Variants in PAPPA2 observed in about 807,000 individuals in gnomAD.
The protein encoded by PAPPA2 is pappalysin 2, also known as pappalysin-2.
In PAPPA2, 86 loss-of-function variants were observed where a neutral mutation model predicts 176.4. The ratio of observed to expected loss-of-function variants is 0.49; its 90% CI spans 0.41 to 0.58. The LOEUF is 0.58. Among genes scored for constraint, PAPPA2 ranks in the 20% least tolerant of loss-of-function variants. The pLI is 0.00. For synonymous variants in PAPPA2, 809 were observed against 852.2 expected (o/e 0.95, Z 0.88); for missense variants, 2,073 against 2,256.9 (o/e 0.92, Z 1.65).
intron 1 of PAPPA2, among the ~76,000 whole-genome samples, chr1:176,472,650 A>G (rs1029197009): frequency 1.3e-5 from 2 of 152,146 alleles, no homozygotes; most frequent in African/African-American, 4.8e-5. Flanking sequence ...GAGCTACAAA[A>G]TATATATTTT....
In PAPPA2 at chr1:176,641,621, G is replaced by A. The variant is rs888398779; in HGVS notation, c.1992-29349G>A. ...TTGTAGTATAGTTTGAAGTCAGGTA[G>A]TGTGATGCCTCCAGCTTAGATTTTG... On this transcript the variant is annotated intron_variant, in intron 3 of 22. Coordinates refer to ENST00000367662, the MANE Select transcript of PAPPA2 (RefSeq NM_020318.3). Among the ~76,000 whole-genome samples the A allele has an allele frequency of 2.0e-5, 3 of 152,132 alleles. No individual in the cohort carries two copies. The East Asian group carries it at 5.8e-4, about 29-fold the overall frequency.
Position 176,709,931 on chromosome 1 carries a change from TCATGACA to T in PAPPA2, c.3458-51_3458-45del. Reference sequence around the variant, plus strand: ...GTGGACATTCCCATGTTCATTTTTTTCATGACATTTATGAAAACACTTTTTCTGTGTC... The same window carrying T: ...GTGGACATTCCCATGTTCATTTTTTTTTTATGAAAACACTTTTTCTGTGTC... On this transcript the variant is annotated intron_variant, in intron 10 of 22. Transcript: ENST00000367662. 8.7e-6 allele frequency: 13 copies of T among 1,488,668 alleles called. No homozygotes were observed. In the Admixed American group the frequency reaches 1.2e-4, roughly 13 times the overall value. 92.2% of individuals were successfully genotyped at this position (1,488,668 alleles called of 1,614,324 possible). A position where few individuals can be genotyped will look rare whatever the true frequency, so the allele number is the denominator to read the frequency against.
In PAPPA2 at chr1:176,743,286, A is replaced by G. The variant is rs527997487; in HGVS notation, c.4151+3090A>G. Among the ~76,000 whole-genome samples, 3 of 152,268 alleles carry G rather than the reference A, an allele frequency of 2.0e-5. No homozygotes were observed. In the South Asian group the frequency reaches 6.2e-4, roughly 32 times the overall value. ...CCATACTAAAAGAGGAGAGGGAAAC[A>G]GGTTATTCTTTCTTCATTCCCTGGT... is the stretch of plus-strand genomic sequence containing the variant. On this transcript the variant is annotated intron_variant, in intron 14 of 22. Coordinates refer to ENST00000367662, the MANE Select transcript of PAPPA2 (RefSeq NM_020318.3).
chr1:176,497,019 A>G (rs1486639968), intron 1 of PAPPA2, among the ~76,000 whole-genome samples: 1 of 152,084 alleles, frequency 6.6e-6, no homozygotes, highest in African/African-American at 2.4e-5. Flanking sequence ...TTGGACTTAC[A>G]TCTATTACAA....
intron 4 of PAPPA2, among the ~76,000 whole-genome samples, chr1:176,682,495 T>A (rs1194052931): frequency 6.6e-6 from 1 of 152,204 alleles, no homozygotes; most frequent in Non-Finnish European, 1.5e-5. Flanking sequence ...TTTTTAAAAA[T>A]TTTAATTATG....
intron 21 of PAPPA2, among the ~76,000 whole-genome samples, chr1:176,837,559 G>A (rs1667322563): frequency 6.9e-6 from 1 of 145,152 alleles, no homozygotes; most frequent in Admixed American, 6.9e-5. Context: ...AATTTAAAAA[G>A]TGACCCTTAC....
At chr1:176,562,753 A>G (rs1651748252) in intron 2 of PAPPA2, among the ~76,000 whole-genome samples, 1 of 152,254 alleles carries the variant, frequency 6.6e-6, no homozygotes, top group South Asian at 2.1e-4. Flanking sequence ...TGAACAGGGC[A>G]TAGCCCCTGA....
At chr1:176,723,843 A>G (rs1661736624) in intron 12 of PAPPA2, among the ~76,000 whole-genome samples, 1 of 152,192 alleles carries the variant, frequency 6.6e-6, no homozygotes, top group Non-Finnish European at 1.5e-5. Context: ...CATAATAAGC[A>G]CATTTTATAG....
At chr1:176,634,646 T>C (rs950337348) in intron 3 of PAPPA2, among the ~76,000 whole-genome samples, 3 of 151,834 alleles carry the variant, frequency 2.0e-5, no homozygotes, top group African/African-American at 7.2e-5. Context: ...ATTTTACTTT[T>C]AAATGCATTG....
intron 17 of PAPPA2, among the ~76,000 whole-genome samples, chr1:176,773,162 T>C (rs1466568520): frequency 6.6e-6 from 1 of 152,224 alleles, no homozygotes; most frequent in Non-Finnish European, 1.5e-5. Context: ...GCTTAAACGT[T>C]GACATTCACA....
At chr1:176,794,702 A>T (rs1350824573) in intron 20 of PAPPA2, among the ~76,000 whole-genome samples, 1 of 152,206 alleles carries the variant, frequency 6.6e-6, no homozygotes, top group Non-Finnish European at 1.5e-5. Flanking sequence ...TTTTATTGTG[A>T]GACTGAGAAG....
rs200968850 is a variant in PAPPA2 at position 176,660,571 on chromosome 1, TG to T, written c.1992-10394del. On this transcript the variant is annotated intron_variant, in intron 3 of 22. Coordinates refer to ENST00000367662, the MANE Select transcript of PAPPA2 (RefSeq NM_020318.3). ...TGGGCTAGGGATATAAAAACTTTTT[TG>T]GGGGTAGTCCCAGGATTTAGTGTGA... 8.7e-3 allele frequency among the ~76,000 whole-genome samples: 1,331 copies of T among 152,216 alleles called. 9 individuals carry two copies. The highest frequency in any genetic ancestry group is 0.014 in the Non-Finnish European group (947 of 68,000).
rs7518682 is a variant in PAPPA2, at chr1:176,555,973, G to A, written c.-350G>A. ...GGAGGGATTACTGAAGAAGAAGGGGGGAAAAAAAAAGAAAGAAATCTGAGC... is the reference window on the plus strand; with the variant it reads ...GGAGGGATTACTGAAGAAGAAGGGGAGAAAAAAAAAGAAAGAAATCTGAGC... On this transcript the variant is annotated 5_prime_UTR_variant, in exon 2 of 23. Coordinates refer to ENST00000367662, the MANE Select transcript of PAPPA2 (RefSeq NM_020318.3). The A allele has an allele frequency of 5.6e-3, 1,312 of 234,064 alleles. 24 individuals are homozygous for A. Among genetic ancestry groups the A allele is most frequent in the African/African-American group, 0.028 (1,216 of 43,772 alleles). 14.5% of individuals were successfully genotyped at this position (234,064 alleles called of 1,614,324 possible).
intron 12 of PAPPA2, among the ~76,000 whole-genome samples, chr1:176,738,543 C>G (rs1042734092): frequency 6.6e-6 from 1 of 152,126 alleles, no homozygotes; most frequent in African/African-American, 2.4e-5. Flanking sequence ...TGCTTTTACA[C>G]TGGGAACAAT....
intron 1 of PAPPA2, among the ~76,000 whole-genome samples, chr1:176,499,518 A>T (rs139280415): frequency 5.6e-4 from 85 of 152,300 alleles, no homozygotes; most frequent in African/African-American, 1.9e-3. Context: ...CTTAGTGAAG[A>T]AAAGGGCAGG....
chr1:176,621,158 A>G (rs1429828038), intron 3 of PAPPA2, among the ~76,000 whole-genome samples: 1 of 152,220 alleles, frequency 6.6e-6, no homozygotes, highest in African/African-American at 2.4e-5. Context: ...TGCTTCATGA[A>G]TATGTTAATA....
intron 14 of PAPPA2, among the ~76,000 whole-genome samples, chr1:176,743,973 C>G (rs1413274854): frequency 6.6e-6 from 1 of 152,186 alleles, no homozygotes; most frequent in African/African-American, 2.4e-5. Context: ...CTTTTGACTA[C>G]TCTACTCATC....
chr1:176,770,974 C>T lies in PAPPA2; in HGVS notation c.4509C>T (p.Ser1503=), dbSNP rs754228858. The change falls in exon 17 of 23, where the codon AGC becomes AGT. Residue 1503 remains serine, a synonymous_variant. Transcript: ENST00000367662. ...TCTCTTTCCTGGAGTCAGGACTGAG[C>T]CCATGGCTGACATGTCTTGAAGATG... is the stretch of plus-strand genomic sequence containing the variant. ...CVPPAKLQGL[S]PWLTCLEDGL... The T allele has an allele frequency of 1.2e-6, 2 of 1,613,840 alleles. No individual in the cohort carries two copies. The highest frequency in any genetic ancestry group is 2.2e-5 in the South Asian group (2 of 91,058).
chr1:176,630,718 A>T (rs1231105916), intron 3 of PAPPA2, among the ~76,000 whole-genome samples: 1 of 152,218 alleles, frequency 6.6e-6, no homozygotes, highest in Non-Finnish European at 1.5e-5. Flanking sequence ...AGAGGGTCTG[A>T]TAGGGGAGGT....
Sources: allele counts gnomAD v4.1 joint callset (sites outside exome capture counted in the v4.1 genomes callset), GRCh38; gene constraint gnomAD v4.1.1; transcripts MANE v1.5; gene names NCBI Gene and HGNC (gene_info 2026-07-23, HGNC 2026-07-21).